The following KIF26B variants were observed in gnomAD, a reference collection of about 807,000 sequenced individuals.
KIF26B encodes kinesin family member 26B, also known as kinesin-like protein KIF26B.
In KIF26B, 63 loss-of-function variants were observed where a neutral mutation model predicts 151.2. That is an observed-to-expected ratio of 0.42 (90% confidence interval 0.34 to 0.51). The LOEUF (loss-of-function observed/expected upper bound fraction) is 0.51, where lower values mean the gene tolerates loss of function less well. Ranked by LOEUF, KIF26B falls within the 20% of genes least tolerant of loss-of-function variation. KIF26B has a pLI of 0.07. For missense variants in KIF26B, 2,813 were observed against 2,913.6 expected (o/e 0.97, Z 0.79); for synonymous variants, 1,357 against 1,262.1 (o/e 1.08, Z -1.59).
chr1:245,212,398 A>C (rs1669556764), intron 2 of KIF26B, among the ~76,000 whole-genome samples: 1 of 152,136 alleles, frequency 6.6e-6, no homozygotes, highest in African/African-American at 2.4e-5. Flanking sequence ...TGATGGGCGC[A>C]AACCCCTGAG....
At chr1:245,440,640 G>A (rs1405348574) in intron 4 of KIF26B, among the ~76,000 whole-genome samples, 1 of 152,200 alleles carries the variant, frequency 6.6e-6, no homozygotes, top group Non-Finnish European at 1.5e-5. Context: ...AGAAAGAGAT[G>A]GAATTCTCAG....
chr1:245,287,039 G>A (rs1429947490), intron 2 of KIF26B, among the ~76,000 whole-genome samples: 8 of 151,962 alleles, frequency 5.3e-5, no homozygotes, highest in Non-Finnish European at 2.9e-5. Context: ...AACCCAGGAG[G>A]TGGAGGTTGC....
intron 10 of KIF26B, among the ~76,000 whole-genome samples, chr1:245,670,365 G>C (rs2044271236): frequency 6.7e-6 from 1 of 150,318 alleles, no homozygotes; most frequent in Non-Finnish European, 1.5e-5. Context: ...ATTTCCCCCA[G>C]ACTTTTTGAG....
intron 10 of KIF26B, among the ~76,000 whole-genome samples, chr1:245,672,077 C>T (rs1294296045): frequency 1.3e-5 from 2 of 152,166 alleles, no homozygotes; most frequent in Non-Finnish European, 2.9e-5. Context: ...GTAACACACA[C>T]AGCCACGGTC....
chr1:245,160,466 C>T (rs1053769140), intron 2 of KIF26B, among the ~76,000 whole-genome samples: 7 of 152,080 alleles, frequency 4.6e-5, no homozygotes, highest in Non-Finnish European at 5.9e-5. Context: ...GGCCAAGGAA[C>T]GAATTGCTCA....
At chr1:245,434,677 G>T (rs142310381) in intron 4 of KIF26B, among the ~76,000 whole-genome samples, 14 of 152,256 alleles carry the variant, frequency 9.2e-5, no homozygotes, top group Admixed American at 4.6e-4. Context: ...GGTAAGACTG[G>T]CAGGAGTTGG....
chr1:245,477,255 T>G (rs35355697), intron 4 of KIF26B, among the ~76,000 whole-genome samples: 2 of 151,802 alleles, frequency 1.3e-5, no homozygotes, highest in East Asian at 3.8e-4. Flanking sequence ...AGAAAGCATA[T>G]TTTTGAAGCT....
chr1:245,508,039 A>G (rs1291819669), intron 4 of KIF26B, among the ~76,000 whole-genome samples: 1 of 152,172 alleles, frequency 6.6e-6, no homozygotes, highest in African/African-American at 2.4e-5. Flanking sequence ...TAGCTGTGTG[A>G]CCAAGAGCAA....
At chr1:245,433,294 T>G (rs1658823940) in intron 4 of KIF26B, among the ~76,000 whole-genome samples, 1 of 108,146 alleles carries the variant, frequency 9.2e-6, no homozygotes, top group Admixed American at 1.1e-4. Context: ...TGAAGCCCCA[T>G]CTCTACTAAA....
chr1:245,544,807 C>G (rs1179916269), intron 5 of KIF26B, among the ~76,000 whole-genome samples: 1 of 152,112 alleles, frequency 6.6e-6, no homozygotes, highest in Non-Finnish European at 1.5e-5. Flanking sequence ...AGGGGAATAA[C>G]AGCCAAGAAT....
chr1:245,446,048 G>A (rs1659242305), intron 4 of KIF26B, among the ~76,000 whole-genome samples: 1 of 152,160 alleles, frequency 6.6e-6, no homozygotes, highest in Non-Finnish European at 1.5e-5. Context: ...GCATTGTTAG[G>A]TGATTCTGTC....
chr1:245,542,330 G>C (rs561865341), intron 5 of KIF26B, among the ~76,000 whole-genome samples: 1 of 152,372 alleles, frequency 6.6e-6, no homozygotes, highest in East Asian at 1.9e-4. Flanking sequence ...TCTAGCCTGG[G>C]CCACAGAGTG....
chr1:245,466,506 G>T lies in KIF26B; in HGVS notation c.1166+46761G>T, dbSNP rs559479497. The stretch of plus-strand genomic sequence containing the variant: ...AAGCAGCTGTAGGAAGGAAAGAAAA[G>T]ATTTTCAATGACAAACGTTTTCCTT... On this transcript the variant is annotated intron_variant, in intron 4 of 14. Coordinates refer to ENST00000407071, the MANE Select transcript of KIF26B (RefSeq NM_018012.4). 3.3e-5 allele frequency among the ~76,000 whole-genome samples: 5 copies of T among 152,332 alleles called. 1 individual carries two copies. In the South Asian group the frequency reaches 1.0e-3, roughly 32 times the overall value.
intron 2 of KIF26B, among the ~76,000 whole-genome samples, chr1:245,162,321 A>G (rs1156633079): frequency 2.0e-5 from 3 of 148,592 alleles, no homozygotes; most frequent in Non-Finnish European, 4.5e-5. Flanking sequence ...AGCACTGTTG[A>G]GAATGTGCTC....
chr1:245,681,181 C>A (rs570257165), intron 10 of KIF26B, among the ~76,000 whole-genome samples: 1 of 151,870 alleles, frequency 6.6e-6, no homozygotes, highest in African/African-American at 2.4e-5. Context: ...CACGTTACAT[C>A]CTTTTATCCG....
Position 245,367,086 on chromosome 1 carries a change from C to T in KIF26B, c.718C>T (p.Gln240Ter), listed in dbSNP as rs1672974382. Residue 240 changes from glutamine to a stop codon, truncating the protein, a stop_gained, in exon 3 of 15, where the codon CAG becomes TAG. Transcript: ENST00000407071. LOFTEE classifies it high-confidence loss of function. This position sits in a 1 kb window ranked among gnomAD's most constrained non-coding sequence, Gnocchi z 4.2. ...GGGGTCCCGGCACGTGGGTGGGCTC[C>T]AGCAGCCCAGAGACTGGGCCTTTGT... is the stretch of plus-strand genomic sequence containing the variant. ...LVGSRHVGGL[Q>*]QPRDWAFVPA... 1 of 1,599,396 alleles carries T rather than the reference C, an allele frequency of 6.3e-7. No homozygotes were observed. Among genetic ancestry groups the T allele is most frequent in the East Asian group, 2.3e-5 (1 of 43,974 alleles).
At chr1:245,360,074 C>T (rs574727980) in intron 2 of KIF26B, among the ~76,000 whole-genome samples, 9 of 151,662 alleles carry the variant, frequency 5.9e-5, no homozygotes, top group Non-Finnish European at 1.3e-4. Flanking sequence ...GGTTTCTCCA[C>T]GTTGGCCAGG....
chr1:245,227,350 G>A lies in KIF26B; in HGVS notation c.465+70667G>A, dbSNP rs886108928. On this transcript the variant is annotated intron_variant, in intron 2 of 14. Coordinates refer to ENST00000407071, the MANE Select transcript of KIF26B (RefSeq NM_018012.4). The surrounding 1 kb of genome is among the most constrained non-coding windows in gnomAD (Gnocchi z 4.1). The stretch of plus-strand genomic sequence containing the variant: ...AGTGTAACAAAACTTCCCATGTGAT[G>A]TAGCACAGGTTGATGGGGTAAGCCA... Among the ~76,000 whole-genome samples the A allele has an allele frequency of 9.9e-5, 15 of 152,226 alleles. No homozygotes were observed. Among genetic ancestry groups the A allele is most frequent in the Non-Finnish European group, 2.2e-4 (15 of 68,040 alleles).
At chr1:245,178,746 G>A (rs543963843) in intron 2 of KIF26B, among the ~76,000 whole-genome samples, 34 of 152,180 alleles carry the variant, frequency 2.2e-4, no homozygotes, top group African/African-American at 4.6e-4. Context: ...AAGACTGCCC[G>A]TGTCAAGCCT....
Sources: allele counts gnomAD v4.1 joint callset (sites outside exome capture counted in the v4.1 genomes callset), GRCh38; gene constraint gnomAD v4.1.1; non-coding constraint Gnocchi (gnomAD v3.1); transcripts MANE v1.5; gene names NCBI Gene and HGNC (gene_info 2026-07-23, HGNC 2026-07-21).